Variants in PKNOX2 observed in about 807,000 individuals in gnomAD.
PKNOX2 encodes PBX/knotted 1 homeobox 2, also known as homeobox protein PKNOX2.
In PKNOX2, 14 loss-of-function variants were observed where a neutral mutation model predicts 53.1. The ratio of observed to expected loss-of-function variants is 0.26; its 90% CI spans 0.17 to 0.41. The LOEUF is 0.41. Ranked by LOEUF, PKNOX2 falls within the 10% of genes least tolerant of loss-of-function variation. The pLI is 1.00. For synonymous variants in PKNOX2, 257 were observed against 242.8 expected (o/e 1.06, Z -0.54); for missense variants, 496 against 602.8 (o/e 0.82, Z 1.85).
chr11:125,184,606 A>G (rs1266291451), intron 1 of PKNOX2, among the ~76,000 whole-genome samples: 3 of 152,206 alleles, frequency 2.0e-5, no homozygotes, highest in Non-Finnish European at 4.4e-5. Context: ...AGCATGCTCT[A>G]GGGGAGCATA....
At chr11:125,232,708 A>G (rs767466963) in intron 1 of PKNOX2, among the ~76,000 whole-genome samples, 68 of 152,202 alleles carry the variant, frequency 4.5e-4, no homozygotes, top group Non-Finnish European at 6.2e-4. Flanking sequence ...GAGATCATTC[A>G]ACCCTCAGTT....
chr11:125,167,149 G>C (rs1240820428), intron 1 of PKNOX2, among the ~76,000 whole-genome samples: 2 of 151,038 alleles, frequency 1.3e-5, no homozygotes. Context: ...TCCCGACCAG[G>C]GAGGTAGGTT....
At chr11:125,236,662 G>T (rs1413184099) in intron 2 of PKNOX2, among the ~76,000 whole-genome samples, 2 of 152,218 alleles carry the variant, frequency 1.3e-5, no homozygotes, top group Non-Finnish European at 2.9e-5. Flanking sequence ...GGAAACACAG[G>T]TTTCTTCAGG....
intron 11 of PKNOX2, 102 bp from the exon 12 acceptor site, chr11:125,429,861 T>C: frequency 7.5e-7 from 1 of 1,331,388 alleles, no homozygotes; most frequent in Non-Finnish European, 1.0e-6. Context: ...AACCCCGGTC[T>C]GCTCTGTGAA....
intron 10 of PKNOX2, among the ~76,000 whole-genome samples, chr11:125,412,744 T>C (rs1955638658): frequency 6.6e-6 from 1 of 152,100 alleles, no homozygotes; most frequent in African/African-American, 2.4e-5. Flanking sequence ...CAGACACAGA[T>C]ACAAGACAAA....
At chr11:125,391,511 G>T (rs1410878869) in intron 6 of PKNOX2, among the ~76,000 whole-genome samples, 2 of 152,164 alleles carry the variant, frequency 1.3e-5, no homozygotes, top group Non-Finnish European at 2.9e-5. Context: ...ATCTTATTCA[G>T]TTTTCACAAC....
intron 4 of PKNOX2, among the ~76,000 whole-genome samples, chr11:125,354,989 G>A (rs762306885): frequency 2.0e-5 from 3 of 152,178 alleles, no homozygotes; most frequent in Non-Finnish European, 4.4e-5. Context: ...AAAGCGGGCT[G>A]GGCATGGTGG....
intron 3 of PKNOX2, among the ~76,000 whole-genome samples, chr11:125,338,020 AGTG>A (rs1400193312): frequency 1.3e-5 from 2 of 152,118 alleles, no homozygotes; most frequent in Admixed American, 1.3e-4. Context: ...TTTCCTGAGG[AGTG>A]AAGAAAAGGC....
chr11:125,298,306 C>T (rs2135943329), intron 2 of PKNOX2, among the ~76,000 whole-genome samples: 1 of 152,276 alleles, frequency 6.6e-6, no homozygotes, highest in Non-Finnish European at 1.5e-5. Flanking sequence ...TGAGTGACAA[C>T]TTTGTGGACC....
intron 11 of PKNOX2, among the ~76,000 whole-genome samples, chr11:125,429,573 A>T (rs1461556483): frequency 6.6e-6 from 1 of 152,164 alleles, no homozygotes; most frequent in Non-Finnish European, 1.5e-5. Flanking sequence ...CTGGGCTGTC[A>T]GGGGAGCTCA....
At position 125,392,896 on chromosome 11, in the gene PKNOX2, C is replaced by T. The variant is rs773228740; in HGVS notation, c.400-4978C>T. Among the ~76,000 whole-genome samples, 77 of 152,130 alleles carry T rather than the reference C, an allele frequency of 5.1e-4. 1 individual carries two copies. Among genetic ancestry groups the T allele is most frequent in the Middle Eastern group, 6.8e-3 (2 of 292 alleles). ...AAGTTTGGCCGGGCGCGGTGGCTCA[C>T]GCCTGTAATCCCAGCACTTTGGGAG... On this transcript the variant is annotated intron_variant, in intron 6 of 12. Transcript: ENST00000298282.
chr11:125,194,809 A>G (rs1315703373), intron 1 of PKNOX2, among the ~76,000 whole-genome samples: 4 of 152,174 alleles, frequency 2.6e-5, no homozygotes, highest in African/African-American at 7.2e-5. Flanking sequence ...AGCACCTACT[A>G]TATGCCAGGC....
chr11:125,167,437 C>A (rs897168992), intron 1 of PKNOX2, among the ~76,000 whole-genome samples: 1 of 152,102 alleles, frequency 6.6e-6, no homozygotes, highest in Admixed American at 6.5e-5. Context: ...TGAGAGCTCT[C>A]TCCCGCTGAG....
At chr11:125,218,302 C>T (rs1940759774) in intron 1 of PKNOX2, among the ~76,000 whole-genome samples, 1 of 151,680 alleles carries the variant, frequency 6.6e-6, no homozygotes, top group South Asian at 2.1e-4. Flanking sequence ...CGTCAAGGAA[C>T]TCATGGGGAA....
rs561992779 is a variant in PKNOX2, at chr11:125,271,352, G to A, written c.-130+36237G>A. Among the ~76,000 whole-genome samples, 54 of 152,334 alleles carry A rather than the reference G, an allele frequency of 3.5e-4. No individual in the cohort carries two copies. The South Asian group carries it at 0.011, about 30-fold the overall frequency. On this transcript the variant is annotated intron_variant, in intron 2 of 12. Transcript: ENST00000298282. The stretch of plus-strand genomic sequence containing the variant: ...TTTGTACACCGTGTCAATCTGACAA[G>A]ACACTCATAATCTCTTTCCGGACAT...
intron 2 of PKNOX2, among the ~76,000 whole-genome samples, chr11:125,262,330 T>C (rs1433482740): frequency 6.6e-6 from 1 of 152,064 alleles, no homozygotes; most frequent in Non-Finnish European, 1.5e-5. Flanking sequence ...AAAGGACGCT[T>C]GTGTTCTGGC....
At chr11:125,196,370 G>A (rs1340750709) in intron 1 of PKNOX2, among the ~76,000 whole-genome samples, 1 of 152,184 alleles carries the variant, frequency 6.6e-6, no homozygotes, top group Non-Finnish European at 1.5e-5. Context: ...GCTTAGGATA[G>A]GGCCTGAAAC....
At chr11:125,416,581 A>T (rs955474387) in intron 10 of PKNOX2, among the ~76,000 whole-genome samples, 2 of 152,060 alleles carry the variant, frequency 1.3e-5, no homozygotes, top group Non-Finnish European at 2.9e-5. Flanking sequence ...TTAATAATAC[A>T]TAGAATTGGC....
intron 1 of PKNOX2, among the ~76,000 whole-genome samples, chr11:125,198,560 A>G (rs771443690): frequency 2.0e-5 from 3 of 152,132 alleles, no homozygotes; most frequent in Non-Finnish European, 4.4e-5. Flanking sequence ...TGAATTTGGA[A>G]GACAGGCTTT....
Sources: allele counts gnomAD v4.1 joint callset (sites outside exome capture counted in the v4.1 genomes callset), GRCh38; gene constraint gnomAD v4.1.1; transcripts MANE v1.5; gene names NCBI Gene and HGNC (gene_info 2026-07-23, HGNC 2026-07-21).